The following PIP5K1B variants were observed in gnomAD, a reference collection of about 807,000 sequenced individuals.
The protein encoded by PIP5K1B is phosphatidylinositol 4-phosphate 5-kinase type-1 beta.
PIP5K1B carries 42 observed loss-of-function variants against 67.0 expected under a neutral mutation model. The observed-to-expected ratio is 0.63, with a 90% CI of 0.49 to 0.81. The LOEUF is 0.81. PIP5K1B is among the 30% of genes least tolerant of loss of function. The pLI is 0.00. For synonymous variants in PIP5K1B, 214 were observed against 231.4 expected, an observed-to-expected ratio of 0.92 and a Z score of 0.68; for missense variants, 459 against 646.3, an observed-to-expected ratio of 0.71 and a Z score of 3.14.
intron 2 of PIP5K1B, among the ~76,000 whole-genome samples, chr9:68,744,984 A>G (rs894949797): frequency 1.3e-5 from 2 of 152,202 alleles, no homozygotes; most frequent in Admixed American, 6.5e-5. Flanking sequence ...GGTGTGGTCC[A>G]TGGGAAACAC....
At chr9:68,960,081 A>G (rs145097222) in intron 14 of PIP5K1B, among the ~76,000 whole-genome samples, 100 of 152,290 alleles carry the variant, frequency 6.6e-4, no homozygotes, top group African/African-American at 2.3e-3. Context: ...TGAGAAAAGG[A>G]CTCATGGGAA....
intron 14 of PIP5K1B, among the ~76,000 whole-genome samples, chr9:68,959,160 A>C (rs1828574492): frequency 1.3e-5 from 2 of 152,302 alleles, no homozygotes; most frequent in South Asian, 4.1e-4. Context: ...AAAATTATAC[A>C]GGAACTTTAT....
At chr9:68,894,236 C>T in intron 7 of PIP5K1B, 103 bp from the exon 8 acceptor site, 1 of 753,212 alleles carries the variant, frequency 1.3e-6, no homozygotes, top group Non-Finnish European at 2.2e-6. Context: ...ATAATCACAT[C>T]CCATTTTTAA....
intron 2 of PIP5K1B, among the ~76,000 whole-genome samples, chr9:68,792,720 C>G (rs61221055): frequency 0.28 from 42,450 of 152,012 alleles, 6,218 homozygotes; most frequent in Admixed American, 0.33. Context: ...ACCTCGTGAT[C>G]CGCCCGCCTC....
intron 2 of PIP5K1B, among the ~76,000 whole-genome samples, chr9:68,754,130 T>G (rs1829786955): frequency 1.3e-5 from 2 of 151,420 alleles, no homozygotes. Flanking sequence ...AGCAGGATGG[T>G]GAATCATTTT....
intron 1 of PIP5K1B, among the ~76,000 whole-genome samples, chr9:68,732,840 T>C (rs964630079): frequency 7.3e-6 from 1 of 137,808 alleles, no homozygotes; most frequent in Non-Finnish European, 1.6e-5. Flanking sequence ...GAGTGGGCAT[T>C]ACAATTGATT....
chr9:68,865,256 G>T (rs1823298950), intron 5 of PIP5K1B, among the ~76,000 whole-genome samples: 1 of 150,846 alleles, frequency 6.6e-6, no homozygotes, highest in African/African-American at 2.4e-5. Context: ...TCTTTCTATA[G>T]TTGGAAATGT....
intron 8 of PIP5K1B, among the ~76,000 whole-genome samples, chr9:68,907,553 T>G (rs1825676305): frequency 6.6e-6 from 1 of 152,210 alleles, no homozygotes; most frequent in Non-Finnish European, 1.5e-5. Context: ...ACTCTGTAGG[T>G]ACTTGCTGTT....
chr9:69,007,659 C>T (rs976786151), intron 15 of PIP5K1B, among the ~76,000 whole-genome samples: 2 of 152,136 alleles, frequency 1.3e-5, no homozygotes, highest in South Asian at 2.1e-4. Context: ...AGTTCAAGAC[C>T]ATCCTGGCTA....
chr9:68,855,073 G>A (rs1476036647), intron 4 of PIP5K1B, among the ~76,000 whole-genome samples: 1 of 152,176 alleles, frequency 6.6e-6, no homozygotes, highest in African/African-American at 2.4e-5. Flanking sequence ...CAATATGAAT[G>A]AGAAAAATAT....
At chr9:68,804,503 A>G (rs1832761267) in intron 2 of PIP5K1B, among the ~76,000 whole-genome samples, 1 of 152,176 alleles carries the variant, frequency 6.6e-6, no homozygotes, top group South Asian at 2.1e-4. Flanking sequence ...CCACTTTGGA[A>G]CTGGACAGTC....
intron 4 of PIP5K1B, among the ~76,000 whole-genome samples, chr9:68,826,157 T>C (rs569028986): frequency 1.3e-5 from 2 of 152,332 alleles, no homozygotes; most frequent in South Asian, 4.1e-4. Context: ...AGTTGCCCAT[T>C]AAGACAGGCA....
chr9:68,975,518 G>T (rs1829594371), intron 14 of PIP5K1B, among the ~76,000 whole-genome samples: 1 of 152,196 alleles, frequency 6.6e-6, no homozygotes, highest in Non-Finnish European at 1.5e-5. Flanking sequence ...TCCCAAGGTG[G>T]TGTTATGGAG....
At chr9:68,724,194 G>C (rs1828040168) in intron 1 of PIP5K1B, among the ~76,000 whole-genome samples, 1 of 150,228 alleles carries the variant, frequency 6.7e-6, no homozygotes, top group Non-Finnish European at 1.5e-5. Context: ...TGTGTGGATT[G>C]ATTTCTGAGT....
intron 14 of PIP5K1B, among the ~76,000 whole-genome samples, chr9:68,964,293 G>A (rs1042896081): frequency 6.6e-6 from 1 of 151,914 alleles, no homozygotes; most frequent in African/African-American, 2.4e-5. Flanking sequence ...GTTTCTTAAG[G>A]GTTTATAAAA....
At chr9:68,750,337 C>T (rs575693255) in intron 2 of PIP5K1B, among the ~76,000 whole-genome samples, 9 of 152,242 alleles carry the variant, frequency 5.9e-5, no homozygotes, top group Non-Finnish European at 1.3e-4. Flanking sequence ...TATGCTAACT[C>T]ACTGAACTCT....
At chr9:68,842,926 T>C (rs1326600183) in intron 4 of PIP5K1B, among the ~76,000 whole-genome samples, 1 of 152,246 alleles carries the variant, frequency 6.6e-6, no homozygotes, top group Non-Finnish European at 1.5e-5. Context: ...ATACCTGGTA[T>C]AGTCTGTGAA....
intron 1 of PIP5K1B, among the ~76,000 whole-genome samples, chr9:68,733,607 C>T (rs1587359196): frequency 7.1e-6 from 1 of 140,054 alleles, no homozygotes; most frequent in East Asian, 2.2e-4. Flanking sequence ...GAGATCCCCA[C>T]TTATTGAAAT....
intron 12 of PIP5K1B, among the ~76,000 whole-genome samples, chr9:68,934,459 A>G (rs1050027254): frequency 1.3e-5 from 2 of 152,228 alleles, no homozygotes; most frequent in African/African-American, 4.8e-5. Flanking sequence ...TCCCAGTCCC[A>G]AGTTAATAAA....
Sources: gnomAD v4.1 joint callset for allele counts (sites outside exome capture counted in the v4.1 genomes callset) on GRCh38, gnomAD v4.1.1 for gene constraint, MANE v1.5 for transcripts, NCBI Gene and HGNC (gene_info 2026-07-23, HGNC 2026-07-21) for gene names.